The following CC2D1B variants were observed in gnomAD, a reference collection of about 807,000 sequenced individuals.
CC2D1B encodes the protein coiled-coil and C2 domain containing 1B.
In CC2D1B, 92 loss-of-function variants were observed where a neutral mutation model predicts 110.8. The ratio of observed to expected loss-of-function variants is 0.83; its 90% confidence interval spans 0.70 to 0.99. CC2D1B has a LOEUF of 0.99. Ranked by LOEUF, CC2D1B falls within the 50% of genes least tolerant of loss-of-function variation. The pLI, the probability that CC2D1B is intolerant of heterozygous loss-of-function variation, is 0.00. For synonymous variants in CC2D1B, 406 were observed against 429.2 expected (o/e 0.95, Z 0.67); for missense variants, 1,136 against 1,089.0 (o/e 1.04, Z -0.61).
rs541909259 is a variant in CC2D1B, at chr1:52,362,274, G to A, written c.214+328C>T. ...GGAGGGAGATTCCACTTAACTCGCT[G>A]GACACAATTTCTATGTACTTCCTAT... is the stretch of plus-strand genomic sequence containing the variant. On this transcript the variant is annotated intron_variant, in intron 3 of 24. Coordinates refer to ENST00000284376, the MANE Select transcript of CC2D1B (RefSeq NM_001330585.2). Among the ~76,000 whole-genome samples, 66 of 152,314 alleles carry A rather than the reference G, an allele frequency of 4.3e-4. No individual in the cohort carries two copies. In the South Asian group the frequency reaches 0.013, roughly 30 times the overall value.
intron 15 of CC2D1B, 121 bp from the exon 16 acceptor site, chr1:52,357,247 A>G: frequency 4.2e-6 from 5 of 1,201,742 alleles, no homozygotes; most frequent in South Asian, 4.0e-5. Flanking sequence ...AGTGATGACA[A>G]CTCATCGCCT....
intron 5 of CC2D1B, 69 bp downstream of exon 5, chr1:52,360,905 G>A: frequency 6.3e-7 from 1 of 1,574,926 alleles, no homozygotes. Flanking sequence ...GTGCAGGCCA[G>A]GCCACACACG....
intron 16 of CC2D1B, 187 bp from the exon 17 acceptor site, chr1:52,356,629 C>T: frequency 1.5e-6 from 1 of 651,360 alleles, no homozygotes; most frequent in Non-Finnish European, 2.6e-6. Context: ...TTGTCATTTT[C>T]TCTTCTGAGG....
At position 52,364,488 on chromosome 1, in the gene CC2D1B, C is replaced by CT. The variant is rs1180926213; in HGVS notation, c.69+63dup. 2.7e-6 allele frequency: 3 copies of CT among 1,111,076 alleles called. No individual in the cohort carries two copies. In the Admixed American group the frequency reaches 6.7e-5, roughly 25 times the overall value. 68.8% of individuals were successfully genotyped at this position (1,111,076 alleles called of 1,614,324 possible). On this transcript the variant is annotated intron_variant, in intron 2 of 24. Coordinates refer to ENST00000284376, the MANE Select transcript of CC2D1B (RefSeq NM_001330585.2). Reference sequence around the variant, plus strand: ...GGGAACTACATGTGATCCAGTTTGCCTAAGTTGTCTAGGGACCCCCATCCC... The same window carrying CT: ...GGGAACTACATGTGATCCAGTTTGCCTTAAGTTGTCTAGGGACCCCCATCCC...
intron 16 of CC2D1B, 71 bp from the exon 17 acceptor site, chr1:52,356,513 A>G (rs1156660095): frequency 6.5e-7 from 1 of 1,543,830 alleles, no homozygotes; most frequent in East Asian, 2.2e-5. Context: ...TCAAGGCTAG[A>G]CTTCTCAAAG....
In CC2D1B at chr1:52,363,460, T is replaced by C. The variant is rs534803227; in HGVS notation, c.70-714A>G. Among the ~76,000 whole-genome samples, 123 of 151,530 alleles carry C rather than the reference T, an allele frequency of 8.1e-4. 1 individual carries two copies. The highest frequency in any genetic ancestry group is 2.9e-3 in the African/African-American group (121 of 41,222). On this transcript the variant is annotated intron_variant, in intron 2 of 24. Coordinates refer to ENST00000284376, the MANE Select transcript of CC2D1B (RefSeq NM_001330585.2). ...CTGGTAAAACACATACAACATGAAA[T>C]TTACCATCTTAACCACTGTTAAGGG... is the stretch of plus-strand genomic sequence containing the variant.
In CC2D1B at chr1:52,360,063, T is replaced by TAC; in HGVS notation, c.763+10_763+11insGT. On this transcript the variant is annotated intron_variant, in intron 7 of 24. Coordinates refer to ENST00000284376, the MANE Select transcript of CC2D1B (RefSeq NM_001330585.2). ...CAGGAACTAGAACAGGATTTGGGCA[T>TAC]CTGCAGATACCTGACTCCAAGGCAG... is the stretch of plus-strand genomic sequence containing the variant. The TAC allele has an allele frequency of 6.4e-7, 1 of 1,565,158 alleles. No homozygotes were observed. The highest frequency in any genetic ancestry group is 8.6e-7 in the Non-Finnish European group (1 of 1,156,316).
Position 52,359,192 on chromosome 1 carries a change from C to G in CC2D1B, c.1127-35G>C, listed in dbSNP as rs896939468. On this transcript the variant is annotated intron_variant, in intron 10 of 24. Transcript: ENST00000284376. ...AAGAAGGAAGAAGTGGGCATCAGGT[C>G]AGCCTGCCCTCCAATGCCTGCAGGT... is the stretch of plus-strand genomic sequence containing the variant. 1.9e-6 allele frequency: 3 copies of G among 1,610,146 alleles called. No individual in the cohort carries two copies. In the East Asian group the frequency reaches 6.7e-5, roughly 36 times the overall value.
At position 52,353,187 on chromosome 1, in the gene CC2D1B, G is replaced by A. The variant is rs1009363698; in HGVS notation, c.*38C>T. 7.5e-7 allele frequency: 1 copy of A among 1,328,936 alleles called. No homozygotes were observed. Among genetic ancestry groups the A allele is most frequent in the Non-Finnish European group, 9.9e-7 (1 of 1,005,676 alleles). The allele number at this position is 1,328,936 out of a possible 1,614,324, so 82.3% of individuals were successfully genotyped here. A position where few individuals can be genotyped will look rare whatever the true frequency, so the allele number is the denominator to read the frequency against. On this transcript the variant is annotated 3_prime_UTR_variant, in exon 25 of 25. Transcript: ENST00000284376. ...AGCTGGGAAAGTCATCTCCTGCACA[G>A]TCGCGGCCTGACTCCTCTCCTGGTG...
chr1:52,353,379 C>T, intron 24 of CC2D1B, 139 bp downstream of exon 24: 1 of 1,515,098 alleles, frequency 6.6e-7, no homozygotes, highest in East Asian at 2.3e-5. Context: ...ATCAGAAACT[C>T]AGCCCATAAG....
At position 52,357,792 on chromosome 1, in the gene CC2D1B, G is replaced by A. The variant is rs765506975; in HGVS notation, c.1568C>T (p.Pro523Leu). The A allele has an allele frequency of 8.8e-6, 14 of 1,591,432 alleles. No individual in the cohort carries two copies. Among genetic ancestry groups the A allele is most frequent in the East Asian group, 4.5e-5 (2 of 44,696 alleles). Reference sequence around the variant, plus strand: ...TGTCCCCAACTCACCAGATGGACTCGGTGACTCCTTAGAACTTGAGGCCCT... The same window carrying A: ...TGTCCCCAACTCACCAGATGGACTCAGTGACTCCTTAGAACTTGAGGCCCT... ...EPRASSSKES[P>L]SPSVREQLAL... The change falls in exon 14 of 25, where the codon CCG (proline) becomes CTG (leucine). Residue 523 changes from proline to leucine, a missense_variant. Coordinates refer to ENST00000284376, the MANE Select transcript of CC2D1B (RefSeq NM_001330585.2).
At position 52,353,239 on chromosome 1, in the gene CC2D1B, A is replaced by C; in HGVS notation, c.*2-16T>G. ...TGGCCATCGGCTACACAGGGGTGCA[A>C]AGCACAAGAAGTCAGTCTAAACTGC... On this transcript the variant is annotated splice_polypyrimidine_tract_variant and intron_variant, in intron 24 of 24. Transcript: ENST00000284376. 4 of 1,385,596 alleles carry C rather than the reference A, an allele frequency of 2.9e-6. No homozygotes were observed. The highest frequency in any genetic ancestry group is 3.8e-6 in the Non-Finnish European group (4 of 1,043,198). 85.8% of individuals were successfully genotyped at this position (1,385,596 alleles called of 1,614,324 possible).
At chr1:52,358,819 C>G in intron 11 of CC2D1B, 61 bp from the exon 12 acceptor site, 1 of 1,531,910 alleles carries the variant, frequency 6.5e-7, no homozygotes, top group Non-Finnish European at 8.9e-7. Context: ...CCCTGCCCAA[C>G]ATGACACACA....
chr1:52,360,707 C>T (rs1646761391), intron 5 of CC2D1B, 158 bp from the exon 6 acceptor site: 3 of 1,166,140 alleles, frequency 2.6e-6, no homozygotes, highest in Middle Eastern at 2.3e-4. Context: ...ACTGGAGAGG[C>T]CAGAGGCCAT....
At position 52,353,063 on chromosome 1, in the gene CC2D1B, G is replaced by A; in HGVS notation, c.*162C>T. ...TAGAGCCCCAGAGGGGCCAACAACAGGAAAGACCAGAGTCGTGGTCAGTAG... is the reference window on the plus strand; with the variant it reads ...TAGAGCCCCAGAGGGGCCAACAACAAGAAAGACCAGAGTCGTGGTCAGTAG... On this transcript the variant is annotated 3_prime_UTR_variant, in exon 25 of 25. Coordinates refer to ENST00000284376, the MANE Select transcript of CC2D1B (RefSeq NM_001330585.2). 1.5e-6 allele frequency: 1 copy of A among 679,716 alleles called. No homozygotes were observed. The highest frequency in any genetic ancestry group is 2.3e-6 in the Non-Finnish European group (1 of 434,476). The allele number at this position is 679,716 out of a possible 1,614,324, so 42.1% of individuals were successfully genotyped here.
Position 52,360,003 on chromosome 1 carries a change from G to A in CC2D1B, c.763+71C>T. The A allele has an allele frequency of 5.8e-6, 9 of 1,544,392 alleles. No homozygotes were observed. In the South Asian group the frequency reaches 1.0e-4, roughly 17 times the overall value. On this transcript the variant is annotated intron_variant, in intron 7 of 24. Transcript: ENST00000284376. ...GTGACCAATGGTAATGAACAGTGGT[G>A]GCAGGCTGGGGACACACGCTGTGGG... is the stretch of plus-strand genomic sequence containing the variant.
Position 52,359,372 on chromosome 1 carries a change from G to A in CC2D1B, c.1019-15C>T. 1 of 1,612,526 alleles carries A rather than the reference G, an allele frequency of 6.2e-7. No individual in the cohort carries two copies. Among genetic ancestry groups the A allele is most frequent in the African/African-American group, 1.3e-5 (1 of 75,044 alleles). ...GGGCTTCAGATCTGGGGGACCCAGA[G>A]TAGAGGTGTAGGTGGGAGGGCCTGG... On this transcript the variant is annotated splice_polypyrimidine_tract_variant and intron_variant, in intron 9 of 24. Transcript: ENST00000284376.
Position 52,359,062 on chromosome 1 carries a change from C to A in CC2D1B, c.1222G>T (p.Glu408Ter). Residue 408 changes from glutamate to a stop codon, truncating the protein, a stop_gained, in exon 11 of 25, where the codon GAG (glutamate) becomes TAG (stop). Transcript: ENST00000284376. LOFTEE classifies it high-confidence loss of function. Reference protein sequence around the residue: ...AGIQARSGGDERKARMHERIA... With the variant: ...AGIQARSGGD ...CGCTCATGCATCCGAGCCTTGCGCT[C>A]GTCCCCACCACTCCGGGCCTGGATG... 1 of 1,608,294 alleles carries A rather than the reference C, an allele frequency of 6.2e-7. No individual in the cohort carries two copies. Among genetic ancestry groups the A allele is most frequent in the South Asian group, 1.1e-5 (1 of 91,066 alleles).
chr1:52,354,200 T>C (rs1434850288), intron 23 of CC2D1B, among the ~76,000 whole-genome samples: 2 of 152,172 alleles, frequency 1.3e-5, no homozygotes, highest in Non-Finnish European at 2.9e-5. Flanking sequence ...AGGCAGGCAG[T>C]AGGGCCAGGT....
Sources: gnomAD v4.1 joint callset for allele counts (sites outside exome capture counted in the v4.1 genomes callset) on GRCh38, gnomAD v4.1.1 for gene constraint, MANE v1.5 for transcripts, NCBI Gene and HGNC (gene_info 2026-07-23, HGNC 2026-07-21) for gene names.